Variants in NHSL1 observed in about 807,000 individuals in gnomAD.
NHSL1 encodes NHS like 1.
In NHSL1, 48 loss-of-function variants were observed where a neutral mutation model predicts 95.0. The ratio of observed to expected loss-of-function variants is 0.51; its 90% CI spans 0.40 to 0.64. NHSL1 has a LOEUF of 0.64. NHSL1 is among the 30% of genes least tolerant of loss of function. The pLI, the probability that NHSL1 is intolerant of heterozygous loss-of-function variation, is 0.00. For synonymous variants in NHSL1, 783 were observed against 833.9 expected, an observed-to-expected ratio of 0.94 and a Z score of 1.05; for missense variants, 1,971 against 2,077.7, an observed-to-expected ratio of 0.95 and a Z score of 1.00.
chr6:138,638,268 A>C (rs892370180), intron 1 of NHSL1, among the ~76,000 whole-genome samples: 1 of 152,228 alleles, frequency 6.6e-6, no homozygotes, highest in African/African-American at 2.4e-5. Flanking sequence ...AGAAAGAATA[A>C]GACATAGTAT....
intron 1 of NHSL1, among the ~76,000 whole-genome samples, chr6:138,595,766 T>C (rs939251167): frequency 9.2e-5 from 14 of 152,180 alleles, no homozygotes; most frequent in African/African-American, 3.4e-4. Flanking sequence ...CAGGTGAAGT[T>C]GAAAGATTTC....
At chr6:138,655,272 T>G (rs2114718772) in intron 1 of NHSL1, among the ~76,000 whole-genome samples, 1 of 152,342 alleles carries the variant, frequency 6.6e-6, no homozygotes, top group Admixed American at 6.5e-5. Flanking sequence ...TACCTCTGTT[T>G]TATGTCCTGT....
At chr6:138,503,832 G>C (rs60091720), upstream of NHSL1, among the ~76,000 whole-genome samples, 11,617 of 151,844 alleles carry the variant, frequency 0.077, 1,117 homozygotes, top group African/African-American at 0.22. Flanking sequence ...AATCTGCTTT[G>C]CCCCCCAAAC....
intron 1 of NHSL1, among the ~76,000 whole-genome samples, chr6:138,661,299 C>T (rs1785224169): frequency 6.6e-6 from 1 of 152,016 alleles, no homozygotes; most frequent in South Asian, 2.1e-4. Context: ...CACTCCAGCC[C>T]CTGGTAACAC....
intron 1 of NHSL1, among the ~76,000 whole-genome samples, chr6:138,623,247 T>C (rs1390114652): frequency 6.6e-6 from 1 of 151,964 alleles, no homozygotes; most frequent in Admixed American, 6.6e-5. Flanking sequence ...CATAGTAAAG[T>C]GAGGGTGGAC....
chr6:138,663,069 A>AAAAAAAAG (rs1554259081), intron 1 of NHSL1, among the ~76,000 whole-genome samples: 1 of 151,848 alleles, frequency 6.6e-6, no homozygotes, highest in African/African-American at 2.4e-5. Flanking sequence ...CGGCAAAAAA[A>AAAAAAAAG]AAAAGAAAAA....
At chr6:138,625,656 A>T (rs2114641498) in intron 1 of NHSL1, among the ~76,000 whole-genome samples, 1 of 139,714 alleles carries the variant, frequency 7.2e-6, no homozygotes, top group East Asian at 2.1e-4. Flanking sequence ...AAAAAAAAAA[A>T]AAAATTAGAG....
chr6:138,670,242 C>G (rs2114757699), intron 1 of NHSL1, among the ~76,000 whole-genome samples: 1 of 152,192 alleles, frequency 6.6e-6, no homozygotes, highest in African/African-American at 2.4e-5. Flanking sequence ...TTCCAAGCAG[C>G]CTTTGAGTCC....
chr6:138,640,207 G>A (rs1784942739), intron 1 of NHSL1, among the ~76,000 whole-genome samples: 1 of 151,928 alleles, frequency 6.6e-6, no homozygotes, highest in African/African-American at 2.4e-5. Flanking sequence ...ATACAGTTAG[G>A]GAAATCCCAA....
intron 3 of NHSL1, among the ~76,000 whole-genome samples, chr6:138,456,084 C>T (rs919337843): frequency 4.8e-4 from 73 of 152,146 alleles, no homozygotes; most frequent in African/African-American, 1.7e-3. Context: ...CACCAACTCT[C>T]CAAGGTAGGT....
chr6:138,538,761 G>A (rs1293446576), intron 1 of NHSL1, among the ~76,000 whole-genome samples: 1 of 152,160 alleles, frequency 6.6e-6, no homozygotes, highest in Non-Finnish European at 1.5e-5. Flanking sequence ...AATTTCACAA[G>A]TACAAACATA....
intron 1 of NHSL1, among the ~76,000 whole-genome samples, chr6:138,589,170 T>C (rs1784187068): frequency 6.6e-6 from 1 of 152,122 alleles, no homozygotes; most frequent in Non-Finnish European, 1.5e-5. Flanking sequence ...AGCAATCAAG[T>C]ATCCATTAGC....
intron 1 of NHSL1, among the ~76,000 whole-genome samples, chr6:138,516,389 C>T (rs1052324312): frequency 2.0e-5 from 3 of 152,128 alleles, no homozygotes; most frequent in African/African-American, 7.2e-5. Context: ...ATACCATATA[C>T]TCTATTTTAA....
intron 1 of NHSL1, among the ~76,000 whole-genome samples, chr6:138,539,227 A>G (rs1261020902): frequency 6.6e-6 from 1 of 152,190 alleles, no homozygotes; most frequent in African/African-American, 2.4e-5. Flanking sequence ...CTAATTTAAG[A>G]CTACCCATCT....
At chr6:138,688,472 C>T (rs1366070177) in intron 1 of NHSL1, among the ~76,000 whole-genome samples, 1 of 151,672 alleles carries the variant, frequency 6.6e-6, no homozygotes, top group Non-Finnish European at 1.5e-5. Flanking sequence ...GGTGAAACCC[C>T]ATCTCTACTA....
intron 1 of NHSL1, among the ~76,000 whole-genome samples, chr6:138,691,039 C>G (rs1028430198): frequency 2.0e-5 from 3 of 152,166 alleles, no homozygotes; most frequent in African/African-American, 4.8e-5. Flanking sequence ...GGGTAAAATT[C>G]TGGTTCTCCC....
At chr6:138,549,885 G>A (rs752681786), upstream of NHSL1, among the ~76,000 whole-genome samples, 18 of 151,944 alleles carry the variant, frequency 1.2e-4, no homozygotes, top group African/African-American at 7.3e-5. Context: ...CATTAACCTC[G>A]AGCAATGACA....
At position 138,484,593 on chromosome 6, in the gene NHSL1, T is replaced by G. The variant is rs74998028; in HGVS notation, c.212-11160A>C. On this transcript the variant is annotated intron_variant, in intron 2 of 7. Coordinates refer to ENST00000343505, the MANE Select transcript of NHSL1 (RefSeq NM_001144060.2). ...TAACACATTTTAGAAAGACTGGTTTTCCCCCATGTCTTGGGACCAATATCT... is the reference window on the plus strand; with the variant it reads ...TAACACATTTTAGAAAGACTGGTTTGCCCCCATGTCTTGGGACCAATATCT... Among the ~76,000 whole-genome samples the G allele has an allele frequency of 1.7e-3, 260 of 152,290 alleles. 1 individual carries two copies. Among genetic ancestry groups the G allele is most frequent in the African/African-American group, 5.8e-3 (243 of 41,564 alleles).
intron 1 of NHSL1, among the ~76,000 whole-genome samples, chr6:138,594,139 G>A (rs747791458): frequency 2.6e-5 from 4 of 152,162 alleles, no homozygotes; most frequent in East Asian, 1.9e-4. Flanking sequence ...TAATTATGTG[G>A]TTGGGGGATG....
Sources: gnomAD v4.1 joint callset for allele counts (sites outside exome capture counted in the v4.1 genomes callset) on GRCh38, gnomAD v4.1.1 for gene constraint, MANE v1.5 for transcripts, NCBI Gene and HGNC (gene_info 2026-07-23, HGNC 2026-07-21) for gene names.